The following CASR variants were observed in gnomAD, a reference collection of about 807,000 sequenced individuals.
CASR encodes calcium sensing receptor.
In CASR, 23 loss-of-function variants were observed where a neutral mutation model predicts 69.1. The ratio of observed to expected loss-of-function variants is 0.33; its 90% confidence interval spans 0.24 to 0.47. The LOEUF (loss-of-function observed/expected upper bound fraction) is 0.47, where lower values mean the gene tolerates loss of function less well. Ranked by LOEUF, CASR falls within the 20% of genes least tolerant of loss-of-function variation. CASR has a pLI of 1.00. For synonymous variants in CASR, 541 were observed against 544.7 expected, an observed-to-expected ratio of 0.99 and a Z score of 0.10; for missense variants, 924 against 1,356.1, an observed-to-expected ratio of 0.68 and a Z score of 5.00.
rs112653973 is a variant in CASR, at chr3:122,265,849, A to T, written c.1377+3437A>T. ...GAAAACAGGCGTGCAGCCATGGTGAAGATGGAAGTCAGATGGAGCTGATCT... is the reference window on the plus strand; with the variant it reads ...GAAAACAGGCGTGCAGCCATGGTGATGATGGAAGTCAGATGGAGCTGATCT... On this transcript the variant is annotated intron_variant, in intron 4 of 6. Coordinates refer to ENST00000639785, the MANE Select transcript of CASR (RefSeq NM_000388.4). 9.7e-3 allele frequency among the ~76,000 whole-genome samples: 1,480 copies of T among 152,270 alleles called. 24 individuals carry two copies. Among genetic ancestry groups the T allele is most frequent in the African/African-American group, 0.031 (1,305 of 41,534 alleles).
At chr3:122,263,328 A>G (rs2107633949) in intron 4 of CASR, among the ~76,000 whole-genome samples, 1 of 152,330 alleles carries the variant, frequency 6.6e-6, no homozygotes, top group East Asian at 1.9e-4. Context: ...TGTAAGTCAC[A>G]GTGTCTCCAT....
At chr3:122,248,557 A>G (rs1207478415) in intron 1 of CASR, among the ~76,000 whole-genome samples, 1 of 151,636 alleles carries the variant, frequency 6.6e-6, no homozygotes, top group Non-Finnish European at 1.5e-5. Context: ...GATAAATTCT[A>G]TTGGAAATCA....
intron 1 of CASR, among the ~76,000 whole-genome samples, chr3:122,202,181 C>T (rs2073962203): frequency 6.6e-6 from 1 of 152,246 alleles, no homozygotes; most frequent in Non-Finnish European, 1.5e-5. Flanking sequence ...CCTCGGGAGG[C>T]CAAGGCTGGC....
rs886041154 is a variant in CASR at position 122,254,353 on chromosome 3, C to T, written c.164C>T (p.Pro55Leu). The T allele has an allele frequency of 1.9e-6, 3 of 1,614,108 alleles. No homozygotes were observed. Among genetic ancestry groups the T allele is most frequent in the Non-Finnish European group, 2.5e-6 (3 of 1,179,992 alleles). The change falls in exon 2 of 7, where the codon CCG becomes CTG. Residue 55 changes from proline to leucine, a missense_variant. Pro to Leu is a moderately conservative substitution (Grantham distance 98). This residue lies in a region of CASR where 141 missense variants were observed against 283.0 expected (regional missense o/e 0.50). Coordinates refer to ENST00000639785, the MANE Select transcript of CASR (RefSeq NM_000388.4). ...AAAGATCAAGATCTCAAATCAAGGC[C>T]GGAGTCTGTGGAATGTATCAGGTAA... ...AAKDQDLKSR[P>L]ESVECIRYNF...
intron 1 of CASR, among the ~76,000 whole-genome samples, chr3:122,219,092 G>A (rs1176513317): frequency 6.6e-6 from 1 of 152,206 alleles, no homozygotes; most frequent in Non-Finnish European, 1.5e-5. Flanking sequence ...TAGGTCATTT[G>A]TAGGTCATAC....
Position 122,284,159 on chromosome 3 carries a change from G to C in CASR, c.2205G>C (p.Gln735His). The change falls in exon 7 of 7, where the codon CAG becomes CAC. Residue 735 changes from glutamine (Q) to histidine (H), a missense_variant. Transcript: ENST00000639785. ...FLLVFLCTFM[Q>H]IVICVIWLYT... is the part of the protein sequence containing the mutation. ...TGGTTTTCCTCTGCACCTTCATGCA[G>C]ATTGTCATCTGTGTGATCTGGCTCT... is the stretch of plus-strand genomic sequence containing the variant. The C allele has an allele frequency of 6.2e-7, 1 of 1,613,522 alleles. No individual in the cohort carries two copies. The highest frequency in any genetic ancestry group is 8.5e-7 in the Non-Finnish European group (1 of 1,179,520).
chr3:122,271,583 T>C (rs1206358411), intron 4 of CASR, among the ~76,000 whole-genome samples: 1 of 152,254 alleles, frequency 6.6e-6, no homozygotes, highest in Non-Finnish European at 1.5e-5. Flanking sequence ...CCATGCCTTC[T>C]TTTTTGCAAC....
intron 5 of CASR, among the ~76,000 whole-genome samples, chr3:122,280,234 A>G (rs2074872008): frequency 6.6e-6 from 1 of 152,212 alleles, no homozygotes. Flanking sequence ...GCCATTTATG[A>G]CAAACCCACA....
At chr3:122,252,838 G>C (rs767949109) in intron 1 of CASR, among the ~76,000 whole-genome samples, 7 of 152,214 alleles carry the variant, frequency 4.6e-5, no homozygotes, top group Non-Finnish European at 8.8e-5. Flanking sequence ...GAACATTCAT[G>C]TGGCAGTGTC....
intron 1 of CASR, among the ~76,000 whole-genome samples, chr3:122,188,070 C>G (rs529628772): frequency 3.0e-4 from 46 of 152,152 alleles, no homozygotes; most frequent in African/African-American, 8.2e-4. Context: ...TATTCTAGGG[C>G]AAAGGAAGCT....
At chr3:122,188,101 G>T (rs2073804414) in intron 1 of CASR, among the ~76,000 whole-genome samples, 1 of 152,190 alleles carries the variant, frequency 6.6e-6, no homozygotes, top group Non-Finnish European at 1.5e-5. Context: ...TTTACATAGA[G>T]GAGTGACTCG....
At chr3:122,254,640 C>G (rs562134024) in intron 2 of CASR, among the ~76,000 whole-genome samples, 14 of 152,186 alleles carry the variant, frequency 9.2e-5, no homozygotes, top group Non-Finnish European at 1.2e-4. Flanking sequence ...ACCAAGTTAT[C>G]ATCGTTCACC....
Position 122,206,108 on chromosome 3 carries a change from T to C in CASR, c.-243+22296T>C, listed in dbSNP as rs571790926. ...CTAGCCAAGGACTTCCAGTGCTGCA[T>C]TGAATAAAAGTGGTATAAATAGTCA... On this transcript the variant is annotated intron_variant, in intron 1 of 6. Transcript: ENST00000639785. Among the ~76,000 whole-genome samples the C allele has an allele frequency of 2.1e-4, 32 of 152,206 alleles. 1 individual carries two copies. The South Asian group carries it at 6.2e-3, about 30-fold the overall frequency.
chr3:122,225,436 T>C (rs2074212773), intron 1 of CASR, among the ~76,000 whole-genome samples: 2 of 150,828 alleles, frequency 1.3e-5, no homozygotes, highest in Non-Finnish European at 2.9e-5. Flanking sequence ...AAAGAAGACA[T>C]ACATGTGGCC....
rs2074812399 is a variant in CASR at position 122,275,892 on chromosome 3, G to A, written c.1458G>A (p.Val486=). 1.9e-6 allele frequency: 3 copies of A among 1,614,058 alleles called. No individual in the cohort carries two copies. The highest frequency in any genetic ancestry group is 2.2e-5 in the South Asian group (2 of 91,076). Residue 486 remains valine, a synonymous_variant, in exon 5 of 7, where the codon GTG becomes GTA. Transcript: ENST00000639785. ...CCTTTGATGAGTGTGGTGACCTGGTGGGGAACTATTCCATCATCAACTGGC... is the reference window on the plus strand; with the variant it reads ...CCTTTGATGAGTGTGGTGACCTGGTAGGGAACTATTCCATCATCAACTGGC... ...QVTFDECGDL[V]GNYSIINWHL... is the part of the protein sequence containing the mutation.
At chr3:122,216,598 T>C (rs1053176404) in intron 1 of CASR, among the ~76,000 whole-genome samples, 1 of 152,266 alleles carries the variant, frequency 6.6e-6, no homozygotes, top group African/African-American at 2.4e-5. Flanking sequence ...CAAAAAACTA[T>C]AGTTATCTGT....
intron 1 of CASR, among the ~76,000 whole-genome samples, chr3:122,243,882 A>G (rs937876548): frequency 1.3e-5 from 2 of 152,140 alleles, no homozygotes; most frequent in Non-Finnish European, 2.9e-5. Context: ...TTGCAGCAAC[A>G]TGAATGGAAC....
rs560138730 is a variant in CASR at position 122,257,866 on chromosome 3, C to A, written c.492+479C>A. The stretch of plus-strand genomic sequence containing the variant: ...TTTTCTCACAAAACAGGAACTTAAT[C>A]ATTGTGTTGCACATTCCAGAAACGG... On this transcript the variant is annotated intron_variant, in intron 3 of 6. Transcript: ENST00000639785. Among the ~76,000 whole-genome samples, 7 of 152,322 alleles carry A rather than the reference C, an allele frequency of 4.6e-5. No individual in the cohort carries two copies. In the East Asian group the frequency reaches 1.3e-3, roughly 29 times the overall value.
intron 4 of CASR, among the ~76,000 whole-genome samples, chr3:122,270,164 A>T (rs375254647): frequency 1.3e-5 from 2 of 152,226 alleles, no homozygotes; most frequent in East Asian, 3.9e-4. Context: ...TTGAACTGAA[A>T]ATTCAATTTA....
Sources: gnomAD v4.1 joint callset for allele counts (sites outside exome capture counted in the v4.1 genomes callset) on GRCh38, gnomAD v4.1.1 for gene constraint, gnomAD v4.1.1 regional missense constraint, MANE v1.5 for transcripts, NCBI Gene and HGNC (gene_info 2026-07-23, HGNC 2026-07-21) for gene names.